Variants in ELAVL1 observed in about 807,000 individuals in gnomAD.
ELAVL1 encodes the protein ELAV like RNA binding protein 1.
In ELAVL1, 1 loss-of-function variant was observed where a neutral mutation model predicts 28.4. The observed-to-expected ratio is 0.04, with a 90% CI of 0.01 to 0.17. The LOEUF (loss-of-function observed/expected upper bound fraction) is 0.17, where lower values mean the gene tolerates loss of function less well. Among genes scored for constraint, ELAVL1 ranks in the 10% least tolerant of loss-of-function variants. The probability of loss-of-function intolerance (pLI) is 1.00; values close to 1 mark genes in which losing one functional copy is unlikely to be tolerated. For missense variants in ELAVL1, 157 were observed against 447.2 expected, an observed-to-expected ratio of 0.35 and a Z score of 5.85; for synonymous variants, 174 against 183.5, an observed-to-expected ratio of 0.95 and a Z score of 0.42.
intron 1 of ELAVL1, among the ~76,000 whole-genome samples, chr19:7,996,450 A>G (rs2081049485): frequency 6.6e-6 from 1 of 150,670 alleles, no homozygotes; most frequent in African/African-American, 2.4e-5. Flanking sequence ...CGGCCTCCCA[A>G]AGTGCTGGGA....
chr19:7,967,547 C>T lies in ELAVL1; in HGVS notation c.656+18G>A, dbSNP rs201956891. 4.2e-5 allele frequency: 68 copies of T among 1,611,472 alleles called. No homozygotes were observed. The highest frequency in any genetic ancestry group is 1.5e-4 in the Admixed American group (9 of 59,884). On this transcript the variant is annotated intron_variant, in intron 5 of 5. Coordinates refer to ENST00000407627, the MANE Select transcript of ELAVL1 (RefSeq NM_001419.3). ...GGGCTAAGTATGGCTTTCAGGAGCGCGCACCCTCCCGACCCACCTGAATCT... is the reference window on the plus strand; with the variant it reads ...GGGCTAAGTATGGCTTTCAGGAGCGTGCACCCTCCCGACCCACCTGAATCT...
intron 4 of ELAVL1, chr19:7,973,314 T>A: frequency 9.2e-6 from 2 of 216,980 alleles, no homozygotes; most frequent in Non-Finnish European, 1.8e-5. Context: ...CACTGCAACC[T>A]CCGCTTCCCG....
intron 1 of ELAVL1, among the ~76,000 whole-genome samples, chr19:8,002,788 G>C (rs1033984606): frequency 6.6e-5 from 10 of 152,100 alleles, no homozygotes; most frequent in African/African-American, 2.4e-4. Flanking sequence ...GGTGGAGGCT[G>C]CAACAGGCAG....
chr19:7,984,254 C>T (rs115279176), intron 2 of ELAVL1, among the ~76,000 whole-genome samples: 303 of 152,256 alleles, frequency 2.0e-3, no homozygotes, highest in East Asian at 7.2e-3. Flanking sequence ...TGACAGAGGA[C>T]GGTCGCTGCC....
Position 7,993,723 on chromosome 19 carries a change from C to CGGTGAGAG in ELAVL1, c.-16-1900_-16-1893dup, listed in dbSNP as rs1309418578. 2.0e-5 allele frequency among the ~76,000 whole-genome samples: 3 copies of CGGTGAGAG among 152,200 alleles called. No homozygotes were observed. The East Asian group carries it at 5.8e-4, about 29-fold the overall frequency. ...TGGATGGCCACCCGCCTGGAGGTCT[C>CGGTGAGAG]GGTGAGAGCCCATCCCTTTCCCCAG... On this transcript the variant is annotated intron_variant, in intron 1 of 5. Transcript: ENST00000407627.
intron 1 of ELAVL1, among the ~76,000 whole-genome samples, chr19:8,003,380 A>AG (rs1568318962): frequency 8.1e-6 from 1 of 123,386 alleles, no homozygotes; most frequent in African/African-American, 2.9e-5. Context: ...AAAAAGAAAA[A>AG]GAAAAAAAAA....
chr19:8,001,735 G>A (rs2081068732), intron 1 of ELAVL1, among the ~76,000 whole-genome samples: 1 of 152,024 alleles, frequency 6.6e-6, no homozygotes, highest in Non-Finnish European at 1.5e-5. Context: ...AAGCTGTTGG[G>A]GTTACAGGTG....
intron 1 of ELAVL1, among the ~76,000 whole-genome samples, chr19:7,992,921 A>G (rs999425991): frequency 1.3e-5 from 2 of 152,166 alleles, no homozygotes; most frequent in African/African-American, 4.8e-5. Flanking sequence ...GAACGCAGGC[A>G]TGTGCCACCA....
At chr19:7,995,763 A>G (rs1985858496) in intron 1 of ELAVL1, among the ~76,000 whole-genome samples, 1 of 150,696 alleles carries the variant, frequency 6.6e-6, no homozygotes, top group Non-Finnish European at 1.5e-5. Context: ...CTCAGACACA[A>G]CACCAAAAGC....
intron 1 of ELAVL1, among the ~76,000 whole-genome samples, chr19:8,000,099 C>T (rs1453358348): frequency 5.9e-5 from 9 of 151,956 alleles, no homozygotes; most frequent in Admixed American, 3.3e-4. Flanking sequence ...TTTGTAGAGG[C>T]GGGGGCGGGG....
At chr19:7,972,157 T>G (rs1749671594) in intron 4 of ELAVL1, among the ~76,000 whole-genome samples, 1 of 152,190 alleles carries the variant, frequency 6.6e-6, no homozygotes, top group Non-Finnish European at 1.5e-5. Context: ...GGGAGTGGAT[T>G]CTTCCCTGCT....
intron 4 of ELAVL1, 47 bp from the exon 5 acceptor site, chr19:7,967,837 G>T (rs1984996152): frequency 6.3e-7 from 1 of 1,587,256 alleles, no homozygotes; most frequent in South Asian, 1.1e-5. Flanking sequence ...AAAACGCTAG[G>T]ACTTTCAAAA....
intron 2 of ELAVL1, among the ~76,000 whole-genome samples, chr19:7,990,798 G>C (rs1308417400): frequency 1.3e-5 from 2 of 152,150 alleles, no homozygotes; most frequent in Non-Finnish European, 2.9e-5. Context: ...GGGTAGGGGT[G>C]GGTAGAGGGA....
chr19:7,977,600 G>C (rs1353859924), intron 3 of ELAVL1, among the ~76,000 whole-genome samples: 1 of 152,194 alleles, frequency 6.6e-6, no homozygotes, highest in Non-Finnish European at 1.5e-5. Flanking sequence ...CCTCCATGCA[G>C]GACCACTCCC....
chr19:7,974,218 G>T (rs1198164086), intron 3 of ELAVL1, among the ~76,000 whole-genome samples: 4 of 152,210 alleles, frequency 2.6e-5, no homozygotes, highest in Non-Finnish European at 4.4e-5. Flanking sequence ...TGCCAGAGAG[G>T]TCCTGGTGCC....
Position 7,994,342 on chromosome 19 carries a change from A to C in ELAVL1, c.-16-2511T>G, listed in dbSNP as rs1178107909. Among the ~76,000 whole-genome samples the C allele has an allele frequency of 2.6e-5, 4 of 152,368 alleles. No individual in the cohort carries two copies. In the South Asian group the frequency reaches 8.3e-4, roughly 32 times the overall value. On this transcript the variant is annotated intron_variant, in intron 1 of 5. Coordinates refer to ENST00000407627, the MANE Select transcript of ELAVL1 (RefSeq NM_001419.3). ...GACACCTGGTGGGTAGAAGTCAGAG[A>C]GCTGTAAAGCATCCTTCAGGGCACA...
At chr19:7,999,397 T>G (rs973995993) in intron 1 of ELAVL1, among the ~76,000 whole-genome samples, 1 of 152,120 alleles carries the variant, frequency 6.6e-6, no homozygotes, top group African/African-American at 2.4e-5. Context: ...AAAGGCCACC[T>G]TCCCCCAGGA....
At chr19:7,975,065 G>A (rs1028511653) in intron 3 of ELAVL1, among the ~76,000 whole-genome samples, 2 of 152,200 alleles carry the variant, frequency 1.3e-5, no homozygotes, top group South Asian at 2.1e-4. Flanking sequence ...TGGGGAAGCC[G>A]TGCTGCTCCC....
At chr19:7,975,176 A>C (rs528179208) in intron 3 of ELAVL1, among the ~76,000 whole-genome samples, 1 of 152,118 alleles carries the variant, frequency 6.6e-6, no homozygotes, top group South Asian at 2.1e-4. Context: ...CCCAGAGAAA[A>C]AGAGGCTGCC....
Sources: allele counts gnomAD v4.1 joint callset (sites outside exome capture counted in the v4.1 genomes callset), GRCh38; gene constraint gnomAD v4.1.1; transcripts MANE v1.5; gene names NCBI Gene and HGNC (gene_info 2026-07-23, HGNC 2026-07-21).